Variants in ADGRD1 observed in about 807,000 individuals in gnomAD.
The protein encoded by ADGRD1 is adhesion G protein-coupled receptor D1.
Under a neutral mutation model 113.4 loss-of-function variants are expected in ADGRD1, and 77 were observed. That is an observed-to-expected ratio of 0.68 (90% confidence interval 0.57 to 0.82). The LOEUF is 0.82. ADGRD1 is among the 40% of genes least tolerant of loss of function. The probability of loss-of-function intolerance (pLI) is 0.00; values close to 1 mark genes in which losing one functional copy is unlikely to be tolerated. For synonymous variants in ADGRD1, 474 were observed against 475.0 expected (o/e 1.00, Z 0.03); for missense variants, 1,036 against 1,139.1 (o/e 0.91, Z 1.30).
In ADGRD1 at chr12:130,987,219, C is replaced by A. The variant is rs745958911; in HGVS notation, c.615C>A (p.Asn205Lys). ...GKVSRDYGESNVNLVIGSEQD... is the reference protein window; with the variant it reads ...GKVSRDYGESKVNLVIGSEQD... ...TGTCTCGTGACTATGGAGAGTCCAA[C>A]GTCAACCTCGTGATAGGGTCTGAGC... The change falls in exon 6 of 25, where the codon AAC (asparagine) becomes AAA (lysine). Residue 205 changes from asparagine to lysine, a missense_variant. Asn to Lys is a moderately conservative substitution (Grantham distance 94, BLOSUM62 0). Transcript: ENST00000261654. The A allele has an allele frequency of 1.9e-6, 3 of 1,614,096 alleles. No homozygotes were observed. Among genetic ancestry groups the A allele is most frequent in the African/African-American group, 2.7e-5 (2 of 74,934 alleles).
In ADGRD1 at chr12:131,006,118, T is replaced by C. The variant is rs1175949266; in HGVS notation, c.1331+71T>C. ...TTTGCTGGGTGGCTGGCCACAGGGA[T>C]GCCCGCCCCACACGCACAACACTGA... On this transcript the variant is annotated intron_variant, in intron 12 of 24. Coordinates refer to ENST00000261654, the MANE Select transcript of ADGRD1 (RefSeq NM_198827.5). 6 of 1,268,098 alleles carry C rather than the reference T, an allele frequency of 4.7e-6. No homozygotes were observed. In the East Asian group the frequency reaches 1.4e-4, roughly 29 times the overall value. The allele number at this position is 1,268,098 out of a possible 1,614,324, so 78.6% of individuals were successfully genotyped here. A position where few individuals can be genotyped will look rare whatever the true frequency, so the allele number is the denominator to read the frequency against.
At chr12:131,121,378 G>T (rs1160352872) in intron 20 of ADGRD1, among the ~76,000 whole-genome samples, 1 of 152,138 alleles carries the variant, frequency 6.6e-6, no homozygotes, top group Non-Finnish European at 1.5e-5. Flanking sequence ...AGAGTTTTTT[G>T]TTGTTGTTTT....
At chr12:130,992,155 C>A in intron 7 of ADGRD1, 82 bp from the exon 8 acceptor site, 2 of 1,032,502 alleles carry the variant, frequency 1.9e-6, no homozygotes, top group South Asian at 1.7e-5. Flanking sequence ...AAGCATTCGA[C>A]CCAGAGTAGG....
intron 12 of ADGRD1, among the ~76,000 whole-genome samples, chr12:131,007,748 A>G (rs1877325782): frequency 6.6e-6 from 1 of 152,274 alleles, no homozygotes; most frequent in Admixed American, 6.5e-5. Context: ...CAGCACATTT[A>G]CGTGCTGAAG....
intron 13 of ADGRD1, chr12:131,030,523 T>G (rs868644066): frequency 6.6e-6 from 1 of 152,398 alleles, no homozygotes; most frequent in African/African-American, 2.4e-5. Context: ...CAGTTGTCTC[T>G]GCTCCAGTTG....
intron 15 of ADGRD1, among the ~76,000 whole-genome samples, chr12:131,098,257 C>T (rs1183470513): frequency 1.7e-5 from 1 of 59,866 alleles, no homozygotes; most frequent in Non-Finnish European, 4.9e-5. Context: ...CAAGTCCAAT[C>T]CCGAGCGGGG....
At chr12:131,105,685 C>T in intron 16 of ADGRD1, 69 bp from the exon 17 acceptor site, 2 of 1,218,000 alleles carry the variant, frequency 1.6e-6, no homozygotes, top group South Asian at 2.5e-5. Context: ...CTTCGTGGGG[C>T]CAGGGAGCCC....
intron 18 of ADGRD1, among the ~76,000 whole-genome samples, chr12:131,111,168 C>T (rs1950339089): frequency 6.6e-6 from 1 of 152,108 alleles, no homozygotes; most frequent in South Asian, 2.1e-4. Flanking sequence ...TCTCGGCTCA[C>T]TGCAACCTCC....
intron 13 of ADGRD1, among the ~76,000 whole-genome samples, chr12:131,074,405 T>A (rs1885416743): frequency 6.6e-6 from 1 of 152,206 alleles, no homozygotes; most frequent in East Asian, 1.9e-4. Context: ...CTCAGGTGAA[T>A]GCGGCTGTCC....
intron 20 of ADGRD1, among the ~76,000 whole-genome samples, chr12:131,121,380 T>C (rs1209530100): frequency 6.6e-6 from 1 of 152,114 alleles, no homozygotes; most frequent in African/African-American, 2.4e-5. Flanking sequence ...AGTTTTTTGT[T>C]GTTGTTTTTG....
chr12:131,103,687 G>T (rs543997386), intron 15 of ADGRD1, among the ~76,000 whole-genome samples: 1 of 152,212 alleles, frequency 6.6e-6, no homozygotes, highest in Non-Finnish European at 1.5e-5. Flanking sequence ...CCTGGTGATC[G>T]GGGAGAAGGC....
At chr12:131,098,858 C>T (rs1469381465) in intron 15 of ADGRD1, among the ~76,000 whole-genome samples, 1 of 152,258 alleles carries the variant, frequency 6.6e-6, no homozygotes, top group Non-Finnish European at 1.5e-5. Flanking sequence ...GTGCTGAATA[C>T]ATGCTTGCTG....
At chr12:131,104,643 C>A (rs979626520) in intron 15 of ADGRD1, among the ~76,000 whole-genome samples, 188 bp from the exon 16 acceptor site, 1 of 152,106 alleles carries the variant, frequency 6.6e-6, no homozygotes, top group African/African-American at 2.4e-5. Flanking sequence ...ACGCACAGAA[C>A]CAGGGCTGCA....
intron 20 of ADGRD1, among the ~76,000 whole-genome samples, chr12:131,125,290 C>A (rs994697874): frequency 6.6e-6 from 1 of 152,162 alleles, no homozygotes; most frequent in East Asian, 1.9e-4. Context: ...AGCCTAGACA[C>A]CCCGTTCCCC....
At chr12:131,014,568 A>T (rs1878337917) in intron 13 of ADGRD1, among the ~76,000 whole-genome samples, 1 of 151,988 alleles carries the variant, frequency 6.6e-6, no homozygotes, top group African/African-American at 2.4e-5. Context: ...GATGTTGGGG[A>T]AGAGGCGTCG....
intron 13 of ADGRD1, among the ~76,000 whole-genome samples, chr12:131,039,421 ATCTTCGGTCAT>A (rs1348597650): frequency 6.6e-6 from 1 of 152,254 alleles, no homozygotes; most frequent in African/African-American, 2.4e-5. Context: ...GGTCTAGACC[ATCTTCGGTCAT>A]TATTCAGAAA....
At chr12:131,054,562 C>G (rs946643757) in intron 13 of ADGRD1, among the ~76,000 whole-genome samples, 6 of 152,164 alleles carry the variant, frequency 3.9e-5, no homozygotes, top group African/African-American at 1.4e-4. Flanking sequence ...TGGACTCAGG[C>G]TATTCCTGGC....
chr12:130,967,155 GCCAACTAAGA>G, intron 3 of ADGRD1: 1 of 415,780 alleles, frequency 2.4e-6, no homozygotes, highest in South Asian at 1.6e-5. Flanking sequence ...CAAAGGTCAT[GCCAACTAAGA>G]CCAACTCACA....
intron 9 of ADGRD1, chr12:131,002,596 G>A (rs1252440316): frequency 1.9e-6 from 2 of 1,058,578 alleles, no homozygotes; most frequent in East Asian, 1.0e-4. Flanking sequence ...GTCTGAGGAT[G>A]AGGGCCCCCT....
Sources: gnomAD v4.1 joint callset for allele counts (sites outside exome capture counted in the v4.1 genomes callset) on GRCh38, gnomAD v4.1.1 for gene constraint, MANE v1.5 for transcripts, NCBI Gene and HGNC (gene_info 2026-07-23, HGNC 2026-07-21) for gene names.